The following BTN3A3 variants were observed in gnomAD, a reference collection of about 807,000 sequenced individuals.
BTN3A3 encodes butyrophilin 3.
In BTN3A3, 39 loss-of-function variants were observed where a neutral mutation model predicts 43.2. The ratio of observed to expected loss-of-function variants is 0.90; its 90% CI spans 0.70 to 1.18. BTN3A3 has a LOEUF of 1.18. Ranked by LOEUF, BTN3A3 falls within the 50% of genes most tolerant of loss-of-function variation. The probability of loss-of-function intolerance (pLI) is 0.00; values close to 1 mark genes in which losing one functional copy is unlikely to be tolerated. For missense variants in BTN3A3, 631 were observed against 722.8 expected, an observed-to-expected ratio of 0.87 and a Z score of 1.46; for synonymous variants, 255 against 272.7, an observed-to-expected ratio of 0.93 and a Z score of 0.64.
chr6:26,449,142 T>C, intron 8 of BTN3A3: 1 of 236,626 alleles, frequency 4.2e-6, no homozygotes, highest in South Asian at 9.0e-5. Flanking sequence ...AAAACAAGAA[T>C]GGAAGATTTA....
In BTN3A3 at chr6:26,452,005, C is replaced by G. The variant is rs969757669; in HGVS notation, c.1349C>G (p.Thr450Ser). 1 of 1,614,150 alleles carries G rather than the reference C, an allele frequency of 6.2e-7. No individual in the cohort carries two copies. The highest frequency in any genetic ancestry group is 1.3e-5 in the African/African-American group (1 of 75,018). The change falls in exon 11 of 11, where the codon ACC becomes AGC. Residue 450 changes from threonine (T) to serine (S), a missense_variant. Transcript: ENST00000244519. The part of the protein sequence containing the change: ...NKYRALTEPR[T>S]NLKLPEPPRK... Reference sequence around the variant, plus strand: ...TATCGGGCTCTCACTGAGCCCAGAACCAACCTGAAACTTCCTGAGCCTCCT... The same window carrying G: ...TATCGGGCTCTCACTGAGCCCAGAAGCAACCTGAAACTTCCTGAGCCTCCT...
chr6:26,445,646 T>C, intron 4 of BTN3A3, 58 bp from the exon 5 acceptor site: 1 of 1,568,070 alleles, frequency 6.4e-7, no homozygotes, highest in African/African-American at 1.4e-5. Flanking sequence ...TGATTCCCAT[T>C]GAGACCCTCC....
At chr6:26,442,672 A>G (rs1002880802) in intron 1 of BTN3A3, among the ~76,000 whole-genome samples, 2 of 152,216 alleles carry the variant, frequency 1.3e-5, no homozygotes, top group Admixed American at 6.5e-5. Flanking sequence ...TACCACTTTT[A>G]TACTTTAAAA....
rs1411664379 is a variant in BTN3A3, at chr6:26,451,782, G to C, written c.1126G>C (p.Glu376Gln). 6.2e-7 allele frequency: 1 copy of C among 1,613,960 alleles called. No homozygotes were observed. The highest frequency in any genetic ancestry group is 8.5e-7 in the Non-Finnish European group (1 of 1,179,924). ...EEPRDLPDNP[E>Q]RFEWRYCVLG... is the part of the protein sequence containing the mutation. ...GCCGCGGGATCTGCCAGACAACCCT[G>C]AGAGATTTGAATGGCGTTACTGTGT... Residue 376 changes from glutamate to glutamine, a missense_variant, in exon 11 of 11, where the codon GAG (glutamate) becomes CAG (glutamine). Glu to Gln is a conservative substitution (Grantham distance 29, BLOSUM62 2). This residue lies in a region of BTN3A3 where 551 missense variants were observed against 584.0 expected (regional missense o/e 0.94). Coordinates refer to ENST00000244519, the MANE Select transcript of BTN3A3 (RefSeq NM_006994.5).
chr6:26,442,978 T>G (rs1055815135), intron 1 of BTN3A3, among the ~76,000 whole-genome samples: 1 of 152,234 alleles, frequency 6.6e-6, no homozygotes, highest in East Asian at 1.9e-4. Flanking sequence ...AATGACTTTA[T>G]GAAGGGAAGA....
intron 1 of BTN3A3, among the ~76,000 whole-genome samples, chr6:26,442,781 G>C (rs1762673517): frequency 6.6e-6 from 1 of 152,168 alleles, no homozygotes; most frequent in African/African-American, 2.4e-5. Flanking sequence ...GGACCCAATT[G>C]TGCACATTCG....
Position 26,450,092 on chromosome 6 carries a change from T to A in BTN3A3, c.992-15T>A. The A allele has an allele frequency of 6.2e-7, 1 of 1,613,146 alleles. No individual in the cohort carries two copies. On this transcript the variant is annotated splice_polypyrimidine_tract_variant and intron_variant, in intron 9 of 10. Coordinates refer to ENST00000244519, the MANE Select transcript of BTN3A3 (RefSeq NM_006994.5). ...AATACTGACCTTTTTCTTATCTGTG[T>A]CTCCTTCCTTTCAGAATGGAAAATG...
intron 4 of BTN3A3, 195 bp from the exon 5 acceptor site, chr6:26,445,509 A>G: frequency 1.5e-6 from 1 of 649,996 alleles, no homozygotes; most frequent in Non-Finnish European, 2.6e-6. Context: ...GTGGATGGGA[A>G]TAGCCCCACA....
Position 26,449,586 on chromosome 6 carries a change from A to T in BTN3A3, c.965-76A>T. The T allele has an allele frequency of 5.3e-6, 8 of 1,516,166 alleles. 1 individual carries two copies. The South Asian group carries it at 9.0e-5, about 17-fold the overall frequency. 93.9% of individuals were successfully genotyped at this position (1,516,166 alleles called of 1,614,324 possible). A position where few individuals can be genotyped will look rare whatever the true frequency, so the allele number is the denominator to read the frequency against. On this transcript the variant is annotated intron_variant, in intron 8 of 10. Coordinates refer to ENST00000244519, the MANE Select transcript of BTN3A3 (RefSeq NM_006994.5). ...ATGGTCAAAAAGAAAGTCTAGATGGATGCGAAAGGAAGTGGAAGGGGCCAA... is the reference window on the plus strand; with the variant it reads ...ATGGTCAAAAAGAAAGTCTAGATGGTTGCGAAAGGAAGTGGAAGGGGCCAA...
At chr6:26,450,488 C>T (rs1202975397) in intron 10 of BTN3A3, among the ~76,000 whole-genome samples, 1 of 152,202 alleles carries the variant, frequency 6.6e-6, no homozygotes, top group East Asian at 1.9e-4. Context: ...CTTTGCACTT[C>T]CCAGGCTTCT....
Position 26,449,794 on chromosome 6 carries a change from C to A in BTN3A3, c.991+106C>A, listed in dbSNP as rs1045045174. On this transcript the variant is annotated intron_variant, in intron 9 of 10. Coordinates refer to ENST00000244519, the MANE Select transcript of BTN3A3 (RefSeq NM_006994.5). The stretch of plus-strand genomic sequence containing the variant: ...ACGTTCTCAGTTGGATTAATCAGAT[C>A]TAACCCTTAGACTCAATTTTGCATG... The A allele has an allele frequency of 6.3e-6, 9 of 1,420,428 alleles. No homozygotes were observed. The Admixed American group carries it at 1.6e-4, about 25-fold the overall frequency. The allele number at this position is 1,420,428 out of a possible 1,614,324, so 88.0% of individuals were successfully genotyped here.
chr6:26,450,098 T>C lies in BTN3A3; in HGVS notation c.992-9T>C, dbSNP rs1480541437. The stretch of plus-strand genomic sequence containing the variant: ...GACCTTTTTCTTATCTGTGTCTCCT[T>C]CCTTTCAGAATGGAAAATGGCCCTC... On this transcript the variant is annotated splice_polypyrimidine_tract_variant and intron_variant, in intron 9 of 10. Coordinates refer to ENST00000244519, the MANE Select transcript of BTN3A3 (RefSeq NM_006994.5). 6.2e-7 allele frequency: 1 copy of C among 1,613,464 alleles called. No individual in the cohort carries two copies. Among genetic ancestry groups the C allele is most frequent in the South Asian group, 1.1e-5 (1 of 91,068 alleles).
Position 26,448,724 on chromosome 6 carries a change from G to A in BTN3A3, c.938-4G>A. Reference sequence around the variant, plus strand: ...ATAACCCTTCCCTATTCATTCCATTGCAGAGTGGAGGAAAATCCAGTACAT... The same window carrying A: ...ATAACCCTTCCCTATTCATTCCATTACAGAGTGGAGGAAAATCCAGTACAT... On this transcript the variant is annotated splice_polypyrimidine_tract_variant and splice_region_variant and intron_variant, in intron 7 of 10. Transcript: ENST00000244519. 6.2e-7 allele frequency: 1 copy of A among 1,613,784 alleles called. No homozygotes were observed. The highest frequency in any genetic ancestry group is 8.5e-7 in the Non-Finnish European group (1 of 1,179,992).
rs755788691 is a variant in BTN3A3, at chr6:26,445,750, A to AG, written c.483dup (p.Ile162AspfsTer170). The AG allele has an allele frequency of 2.5e-5, 40 of 1,614,042 alleles. No individual in the cohort carries two copies. In the South Asian group the frequency reaches 4.1e-4, roughly 16 times the overall value. On this transcript the variant is annotated frameshift_variant, in exon 5 of 11. Coordinates refer to ENST00000244519, the MANE Select transcript of BTN3A3 (RefSeq NM_006994.5). LOFTEE classifies it high-confidence loss of function. ...TTGAAGTGAAGGGTTATGAGGATGG[A>AG]GGGATCCATCTGGAGTGCAGGTCCA...
intron 10 of BTN3A3, among the ~76,000 whole-genome samples, chr6:26,451,286 A>G (rs1308022039): frequency 6.6e-6 from 1 of 152,212 alleles, no homozygotes; most frequent in East Asian, 1.9e-4. Context: ...GGATGTATGG[A>G]AAAATAGACT....
At chr6:26,441,437 A>G (rs1027643105) in intron 1 of BTN3A3, among the ~76,000 whole-genome samples, 1 of 151,790 alleles carries the variant, frequency 6.6e-6, no homozygotes, top group African/African-American at 2.4e-5. Flanking sequence ...ACATTTGGCT[A>G]CTGTATAGAT....
chr6:26,444,001 G>T lies in BTN3A3; in HGVS notation c.130G>T (p.Val44Leu), dbSNP rs1337974957. Reference protein sequence around the residue: ...LGPSGPILAMVGEDADLPCHL... With the variant: ...LGPSGPILAMLGEDADLPCHL... ...ACCCTCTGGGCCCATCCTGGCCATG[G>T]TGGGTGAAGACGCTGATCTGCCCTG... The change falls in exon 4 of 11, where the codon GTG (valine) becomes TTG (leucine). Residue 44 changes from valine (V) to leucine (L), a missense_variant. Coordinates refer to ENST00000244519, the MANE Select transcript of BTN3A3 (RefSeq NM_006994.5). 1 of 1,613,822 alleles carries T rather than the reference G, an allele frequency of 6.2e-7. No individual in the cohort carries two copies. The highest frequency in any genetic ancestry group is 8.5e-7 in the Non-Finnish European group (1 of 1,179,852).
At chr6:26,448,906 G>A in intron 8 of BTN3A3, 152 bp downstream of exon 8, 1 of 852,490 alleles carries the variant, frequency 1.2e-6, no homozygotes, top group Non-Finnish European at 1.9e-6. Context: ...TGGCTCTTTG[G>A]AGAAACCACC....
chr6:26,448,848 G>A, intron 8 of BTN3A3, 94 bp downstream of exon 8: 1 of 1,500,404 alleles, frequency 6.7e-7, no homozygotes, highest in East Asian at 2.3e-5. Flanking sequence ...TTTGCCCAGG[G>A]TTGAAAAATG....
Sources: allele counts gnomAD v4.1 joint callset (sites outside exome capture counted in the v4.1 genomes callset), GRCh38; gene constraint gnomAD v4.1.1; regional missense constraint gnomAD v4.1.1; transcripts MANE v1.5; gene names NCBI Gene and HGNC (gene_info 2026-07-23, HGNC 2026-07-21).